The following EPB41L1 variants were observed in gnomAD, a reference collection of about 807,000 sequenced individuals.
EPB41L1 encodes band 4.1-like protein 1.
A neutral mutation model predicts 97.8 loss-of-function variants in EPB41L1; 29 were observed. The ratio of observed to expected loss-of-function variants is 0.30; its 90% CI spans 0.22 to 0.40. EPB41L1 has a LOEUF of 0.40. EPB41L1 is among the 10% of genes least tolerant of loss of function. The pLI is 1.00. For synonymous variants in EPB41L1, 383 were observed against 459.2 expected (o/e 0.83, Z 2.12); for missense variants, 812 against 1,162.3 (o/e 0.70, Z 4.38).
chr20:36,219,918 G>A (rs1238204289), intron 19 of EPB41L1, 74 bp downstream of exon 19: 7 of 1,323,322 alleles, frequency 5.3e-6, no homozygotes, highest in South Asian at 3.6e-5. Context: ...GTTCTGCTTC[G>A]GCTTCGCCAT....
At chr20:36,215,584 T>C (rs1001283223) in intron 17 of EPB41L1, among the ~76,000 whole-genome samples, 32 of 152,314 alleles carry the variant, frequency 2.1e-4, no homozygotes, top group African/African-American at 7.5e-4. Context: ...TGCACACCTT[T>C]CCCTGGTCAC....
intron 2 of EPB41L1, chr20:36,125,585 A>G (rs1400148304): frequency 1.0e-5 from 16 of 1,529,030 alleles, no homozygotes; most frequent in Admixed American, 2.0e-5. Flanking sequence ...TTGAACCACA[A>G]GTGCACAGAG....
At chr20:36,182,484 G>A (rs1468367887) in intron 6 of EPB41L1, 137 bp downstream of exon 6, 43 of 904,256 alleles carry the variant, frequency 4.8e-5, no homozygotes, top group South Asian at 4.7e-4. Flanking sequence ...AGACAGCATC[G>A]TACACAGGAA....
intron 1 of EPB41L1, among the ~76,000 whole-genome samples, chr20:36,162,656 C>T (rs2060580122): frequency 6.6e-6 from 1 of 152,198 alleles, no homozygotes; most frequent in South Asian, 2.1e-4. Flanking sequence ...CCAGGTGGGA[C>T]GCATGTCTCC....
At position 36,201,025 on chromosome 20, in the gene EPB41L1, C is replaced by T. The variant is rs1323786244; in HGVS notation, c.1668+2984C>T. The T allele has an allele frequency of 2.6e-5, 12 of 455,622 alleles. No individual in the cohort carries two copies. In the East Asian group the frequency reaches 7.6e-4, roughly 29 times the overall value. 28.2% of individuals were successfully genotyped at this position (455,622 alleles called of 1,614,324 possible). On this transcript the variant is annotated intron_variant, in intron 14 of 21. Transcript: ENST00000338074. ...GCCCCTTCCTCCTGCCCACCCAGAA[C>T]CACCCTCTGTGGTCTTAAGAAAACC...
intron 17 of EPB41L1, among the ~76,000 whole-genome samples, chr20:36,215,493 C>A (rs2063389759): frequency 6.6e-6 from 1 of 152,156 alleles, no homozygotes; most frequent in Admixed American, 6.5e-5. Flanking sequence ...GAAGGTAATT[C>A]CATCAATCTA....
At chr20:36,222,210 C>A in intron 20 of EPB41L1, 68 bp from the exon 21 acceptor site, 2 of 1,387,066 alleles carry the variant, frequency 1.4e-6, no homozygotes, top group Non-Finnish European at 2.1e-6. Flanking sequence ...AGAGGGCTTG[C>A]TGTTCTTCAC....
intron 1 of EPB41L1, among the ~76,000 whole-genome samples, chr20:36,094,433 G>A (rs2057764808): frequency 1.3e-5 from 2 of 152,202 alleles, no homozygotes. Flanking sequence ...GATTTTGACT[G>A]TGATACAAGG....
chr20:36,142,585 C>A (rs966512163), intron 2 of EPB41L1, among the ~76,000 whole-genome samples: 2 of 152,308 alleles, frequency 1.3e-5, no homozygotes, highest in African/African-American at 4.8e-5. Flanking sequence ...CTTAATAACC[C>A]GGCAGCGGTA....
At chr20:36,194,552 A>G (rs2062102187) in intron 12 of EPB41L1, among the ~76,000 whole-genome samples, 192 bp downstream of exon 12, 1 of 152,072 alleles carries the variant, frequency 6.6e-6, no homozygotes, top group African/African-American at 2.4e-5. Flanking sequence ...TGGGCATGGG[A>G]GTGGGCATGC....
chr20:36,135,374 T>G (rs1433008568), intron 2 of EPB41L1, among the ~76,000 whole-genome samples: 1 of 152,200 alleles, frequency 6.6e-6, no homozygotes, highest in East Asian at 1.9e-4. Context: ...GCCCACGGTC[T>G]TGGCCTTAGG....
intron 2 of EPB41L1, among the ~76,000 whole-genome samples, chr20:36,123,521 A>G (rs1419350868): frequency 6.6e-6 from 1 of 152,018 alleles, no homozygotes; most frequent in East Asian, 1.9e-4. Context: ...GCTCGCTGCA[A>G]CCTCCGCCTC....
At position 36,188,331 on chromosome 20, in the gene EPB41L1, G is replaced by A. The variant is rs752704189; in HGVS notation, c.874-16G>A. On this transcript the variant is annotated splice_polypyrimidine_tract_variant and intron_variant, in intron 8 of 21. Coordinates refer to ENST00000338074, the MANE Select transcript of EPB41L1 (RefSeq NM_012156.2). ...TGGACCCCGGGCCTCCCATTCCATG[G>A]TCTCTTCTCATGCAGGACTCTGAGG... The A allele has an allele frequency of 6.2e-7, 1 of 1,612,830 alleles. No homozygotes were observed. The highest frequency in any genetic ancestry group is 8.5e-7 in the Non-Finnish European group (1 of 1,179,890).
chr20:36,164,847 G>A (rs1469400729), intron 1 of EPB41L1, among the ~76,000 whole-genome samples: 3 of 151,788 alleles, frequency 2.0e-5, no homozygotes, highest in African/African-American at 4.8e-5. Context: ...CACCATGCCC[G>A]GCTAATTTTT....
chr20:36,196,458 G>T (rs142267086), intron 13 of EPB41L1, among the ~76,000 whole-genome samples: 1 of 152,332 alleles, frequency 6.6e-6, no homozygotes, highest in East Asian at 1.9e-4. Flanking sequence ...CCCTCTCCCT[G>T]TGCAAGCACC....
rs142640473 is a variant in EPB41L1 at position 36,093,688 on chromosome 20, C to CGT, written c.-65+2091_-65+2092dup. On this transcript the variant is annotated intron_variant, in intron 1 of 19. Transcript: ENST00000202028. The surrounding 1 kb of genome is among the most constrained non-coding windows in gnomAD (Gnocchi z 5.4). ...TGAAGCCCGTGTGCGTGCGTGCGTGCGTGTGTGTGTGTGTGTATGTGTATG... is the reference window on the plus strand; with the variant it reads ...TGAAGCCCGTGTGCGTGCGTGCGTGCGTGTGTGTGTGTGTGTGTATGTGTATG... Among the ~76,000 whole-genome samples the CGT allele has an allele frequency of 4.7e-3, 684 of 146,788 alleles. 5 individuals carry two copies. The highest frequency in any genetic ancestry group is 0.011 in the African/African-American group (433 of 39,234).
At chr20:36,228,932 G>C (rs1043575550) in intron 21 of EPB41L1, among the ~76,000 whole-genome samples, 1 of 151,886 alleles carries the variant, frequency 6.6e-6, no homozygotes, top group African/African-American at 2.4e-5. Context: ...CACATTGTCA[G>C]GCCAAAGTAA....
intron 2 of EPB41L1, among the ~76,000 whole-genome samples, chr20:36,145,297 G>A (rs971181446): frequency 1.1e-4 from 16 of 151,554 alleles, no homozygotes; most frequent in Non-Finnish European, 1.8e-4. Flanking sequence ...AGGCTGAGGC[G>A]GAGAATTGCT....
intron 2 of EPB41L1, among the ~76,000 whole-genome samples, chr20:36,120,483 G>A (rs1019957585): frequency 7.2e-5 from 11 of 152,184 alleles, no homozygotes; most frequent in Non-Finnish European, 1.6e-4. Flanking sequence ...TCCATGTGAC[G>A]GGCAATCTGC....
Sources: gnomAD v4.1 joint callset for allele counts (sites outside exome capture counted in the v4.1 genomes callset) on GRCh38, gnomAD v4.1.1 for gene constraint, Gnocchi (gnomAD v3.1) non-coding constraint, MANE v1.5 for transcripts, NCBI Gene and HGNC (gene_info 2026-07-23, HGNC 2026-07-21) for gene names.